The following ASAP1 variants were observed in gnomAD, a reference collection of about 807,000 sequenced individuals.
ASAP1 encodes the protein arf-GAP with SH3 domain, ANK repeat and PH domain-containing protein 1.
ASAP1 carries 43 observed loss-of-function variants against 145.2 expected under a neutral mutation model. The ratio of observed to expected loss-of-function variants is 0.30; its 90% confidence interval spans 0.23 to 0.38. ASAP1 has a LOEUF of 0.38. Among genes scored for constraint, ASAP1 ranks in the 10% least tolerant of loss-of-function variants. The pLI is 1.00. For missense variants in ASAP1, 1,018 were observed against 1,355.3 expected (o/e 0.75, Z 3.91); for synonymous variants, 546 against 515.5 (o/e 1.06, Z -0.80).
At chr8:130,071,225 T>A (rs1361563289) in intron 27 of ASAP1, among the ~76,000 whole-genome samples, 10 of 152,124 alleles carry the variant, frequency 6.6e-5, no homozygotes, top group Non-Finnish European at 1.3e-4. Flanking sequence ...CATCCTCCCA[T>A]CCTTCCACAG....
chr8:130,121,980 C>T (rs903548014), intron 18 of ASAP1, among the ~76,000 whole-genome samples: 6 of 152,032 alleles, frequency 3.9e-5, no homozygotes, highest in Admixed American at 2.0e-4. Flanking sequence ...AGTTCTCTCC[C>T]GCCACATCTT....
chr8:130,286,139 G>C (rs1417919408), intron 3 of ASAP1, among the ~76,000 whole-genome samples: 1 of 152,184 alleles, frequency 6.6e-6, no homozygotes, highest in Non-Finnish European at 1.5e-5. Flanking sequence ...AGAAGGCTCA[G>C]GGCACAGTAA....
intron 3 of ASAP1, among the ~76,000 whole-genome samples, chr8:130,299,710 C>T (rs1447819935): frequency 6.6e-6 from 1 of 152,120 alleles, no homozygotes; most frequent in African/African-American, 2.4e-5. Context: ...AGACAAAAAT[C>T]AGCAGAAACT....
intron 3 of ASAP1, among the ~76,000 whole-genome samples, chr8:130,315,848 C>T (rs983378040): frequency 6.6e-6 from 1 of 152,234 alleles, no homozygotes; most frequent in African/African-American, 2.4e-5. Flanking sequence ...TTCTCCCTAA[C>T]TTCCAAGTGC....
At chr8:130,161,243 T>G (rs1422645821) in intron 11 of ASAP1, among the ~76,000 whole-genome samples, 1 of 152,168 alleles carries the variant, frequency 6.6e-6, no homozygotes, top group African/African-American at 2.4e-5. Context: ...ATATATCCAG[T>G]TCATAAACAA....
intron 4 of ASAP1, among the ~76,000 whole-genome samples, chr8:130,229,780 C>G (rs1006576290): frequency 6.6e-6 from 1 of 152,196 alleles, no homozygotes; most frequent in Non-Finnish European, 1.5e-5. Flanking sequence ...TGGCTCACAC[C>G]TGTAAATCCC....
intron 4 of ASAP1, among the ~76,000 whole-genome samples, chr8:130,235,511 G>C (rs940135398): frequency 6.6e-6 from 1 of 152,042 alleles, no homozygotes; most frequent in East Asian, 1.9e-4. Flanking sequence ...TCAAACATAA[G>C]GGCCTACCAC....
chr8:130,308,301 A>C (rs1039024947), intron 3 of ASAP1, among the ~76,000 whole-genome samples: 12 of 152,220 alleles, frequency 7.9e-5, no homozygotes, highest in Non-Finnish European at 1.3e-4. Context: ...ACCCAACCCC[A>C]TGTTATGATC....
At chr8:130,397,715 C>T (rs946251678) in intron 2 of ASAP1, among the ~76,000 whole-genome samples, 1 of 152,192 alleles carries the variant, frequency 6.6e-6, no homozygotes, top group Non-Finnish European at 1.5e-5. Flanking sequence ...GGGAACTTTT[C>T]CCCCATCAAA....
intron 4 of ASAP1, among the ~76,000 whole-genome samples, chr8:130,225,913 C>G (rs1047271174): frequency 3.3e-5 from 5 of 152,146 alleles, no homozygotes; most frequent in Non-Finnish European, 7.3e-5. Flanking sequence ...GGGTCTTGCT[C>G]TGTTGCCCAG....
At chr8:130,289,260 T>C (rs1248627403) in intron 3 of ASAP1, among the ~76,000 whole-genome samples, 4 of 151,460 alleles carry the variant, frequency 2.6e-5, no homozygotes, top group Admixed American at 1.3e-4. Flanking sequence ...GGAAAATGGG[T>C]ATGTTATAAT....
At chr8:130,204,042 C>T (rs1039908344) in intron 5 of ASAP1, among the ~76,000 whole-genome samples, 13 of 152,178 alleles carry the variant, frequency 8.5e-5, no homozygotes, top group Non-Finnish European at 7.3e-5. Context: ...CCCCAGTCCC[C>T]AGGCCACGAA....
intron 13 of ASAP1, among the ~76,000 whole-genome samples, chr8:130,146,698 G>A (rs2097631606): frequency 6.6e-6 from 1 of 152,162 alleles, no homozygotes; most frequent in South Asian, 2.1e-4. Flanking sequence ...AGCCCTGGAA[G>A]CTGAATGTTA....
chr8:130,191,113 C>T (rs536545585), intron 5 of ASAP1, among the ~76,000 whole-genome samples: 1 of 150,446 alleles, frequency 6.6e-6, no homozygotes, highest in Admixed American at 6.6e-5. Context: ...TAAGATGGCA[C>T]AAAGAGGAAT....
chr8:130,202,494 T>C (rs1170933376), intron 5 of ASAP1, among the ~76,000 whole-genome samples: 2 of 152,250 alleles, frequency 1.3e-5, no homozygotes, highest in South Asian at 2.1e-4. Context: ...ACACACTTCA[T>C]AGGAAGTTTC....
chr8:130,309,403 A>T (rs2027377), intron 3 of ASAP1, among the ~76,000 whole-genome samples: 28,395 of 152,220 alleles, frequency 0.19, 3,330 homozygotes, highest in East Asian at 0.44. Context: ...TTTGGGTGCT[A>T]TGACACTTAG....
chr8:130,199,954 A>C (rs966229641), intron 5 of ASAP1, among the ~76,000 whole-genome samples: 1 of 152,222 alleles, frequency 6.6e-6, no homozygotes, highest in Non-Finnish European at 1.5e-5. Context: ...TCACTATGAA[A>C]CTTCTGGCAC....
rs1215283064 is a variant in ASAP1, at chr8:130,054,053, G to T, written c.*678C>A. 2 of 152,604 alleles carry T rather than the reference G, an allele frequency of 1.3e-5. No homozygotes were observed. Among genetic ancestry groups the T allele is most frequent in the Non-Finnish European group, 2.9e-5 (2 of 68,038 alleles). The allele number at this position is 152,604 out of a possible 1,614,324, so 9.5% of individuals were successfully genotyped here. ...AGATATGTTATTTTTGCATAATGAG[G>T]TAATATATCAGGGGCGGGCACTCAT... On this transcript the variant is annotated 3_prime_UTR_variant, in exon 30 of 30. Transcript: ENST00000518721.
rs566792291 is a variant in ASAP1 at position 130,298,533 on chromosome 8, C to A, written c.186+59484G>T. Among the ~76,000 whole-genome samples the A allele has an allele frequency of 2.6e-5, 4 of 152,350 alleles. No individual in the cohort carries two copies. In the East Asian group the frequency reaches 7.7e-4, roughly 29 times the overall value. On this transcript the variant is annotated intron_variant, in intron 3 of 29. Transcript: ENST00000518721. ...CTTTCCCTCTCCAATCCATTCTCCA[C>A]ACTGCAGTCACAATGGTCCTTCTAA...
Sources: allele counts gnomAD v4.1 joint callset (sites outside exome capture counted in the v4.1 genomes callset), GRCh38; gene constraint gnomAD v4.1.1; transcripts MANE v1.5; gene names NCBI Gene and HGNC (gene_info 2026-07-23, HGNC 2026-07-21).